MCOLN2: variants seen among roughly 807,000 people sequenced by gnomAD.
The protein encoded by MCOLN2 is mucolipin-2.
Under a neutral mutation model 67.5 loss-of-function variants are expected in MCOLN2, and 57 were observed. That is an observed-to-expected ratio of 0.84 (90% CI 0.68 to 1.05). The LOEUF (loss-of-function observed/expected upper bound fraction) is 1.05. MCOLN2 is among the 50% of genes least tolerant of loss of function. The pLI is 0.00. For missense variants in MCOLN2, 620 were observed against 678.8 expected (o/e 0.91, Z 0.96); for synonymous variants, 246 against 233.3 (o/e 1.05, Z -0.50).
intron 1 of MCOLN2, among the ~76,000 whole-genome samples, chr1:84,988,119 T>C (rs1182549508): frequency 6.6e-6 from 1 of 152,220 alleles, no homozygotes; most frequent in Non-Finnish European, 1.5e-5. Context: ...ATGCTTCAGT[T>C]GGAATCCTTA....
intron 7 of MCOLN2, among the ~76,000 whole-genome samples, chr1:84,942,996 T>C (rs1055007457): frequency 6.6e-6 from 1 of 152,108 alleles, no homozygotes; most frequent in African/African-American, 2.4e-5. Flanking sequence ...CTTTATAAAT[T>C]AGCTAGTTTC....
chr1:84,927,630 C>T (rs1160719214), intron 13 of MCOLN2, among the ~76,000 whole-genome samples: 1 of 152,216 alleles, frequency 6.6e-6, no homozygotes, highest in Non-Finnish European at 1.5e-5. Flanking sequence ...CACAGCCGTG[C>T]TCTGCAGGAA....
intron 11 of MCOLN2, among the ~76,000 whole-genome samples, chr1:84,932,687 T>C (rs1302675117): frequency 6.6e-6 from 1 of 152,244 alleles, no homozygotes; most frequent in African/African-American, 2.4e-5. Context: ...AAACTCTGTG[T>C]TGAATTGATT....
At chr1:84,950,768 TCA>T (rs1648381269) in intron 6 of MCOLN2, among the ~76,000 whole-genome samples, 1 of 152,002 alleles carries the variant, frequency 6.6e-6, no homozygotes, top group African/African-American at 2.4e-5. Flanking sequence ...TTGCCCAAGA[TCA>T]CACACTCAAA....
chr1:84,932,207 C>G (rs1647218228), intron 11 of MCOLN2, among the ~76,000 whole-genome samples: 1 of 151,932 alleles, frequency 6.6e-6, no homozygotes, highest in African/African-American at 2.4e-5. Context: ...ACTTAGAGAG[C>G]ATTTGTAGGT....
Position 84,987,589 on chromosome 1 carries a change from C to CAT in MCOLN2, c.77+9205_77+9206dup, listed in dbSNP as rs1426895798. ...ACATAGATGTATACATAGATATATACATATGTATATAGATGTATATCAATC... is the reference window on the plus strand; with the variant it reads ...ACATAGATGTATACATAGATATATACATATATGTATATAGATGTATATCAATC... On this transcript the variant is annotated intron_variant, in intron 1 of 13. Coordinates refer to ENST00000370608, the MANE Select transcript of MCOLN2 (RefSeq NM_153259.4). Among the ~76,000 whole-genome samples, 52 of 71,318 alleles carry CAT rather than the reference C, an allele frequency of 7.3e-4. 4 individuals are homozygous for CAT. The highest frequency in any genetic ancestry group is 2.1e-3 in the South Asian group (4 of 1,924). 46.8% of individuals were successfully genotyped at this position (71,318 alleles called of 152,430 possible).
chr1:84,987,506 G>GTATATAGGTA (rs1557665657), intron 1 of MCOLN2, among the ~76,000 whole-genome samples: 2 of 30,004 alleles, frequency 6.7e-5, no homozygotes, highest in Non-Finnish European at 1.2e-4. Context: ...ATACATAGAT[G>GTATATAGGTA]TATACATATG....
At chr1:84,985,372 C>A (rs1397953546) in intron 1 of MCOLN2, among the ~76,000 whole-genome samples, 6 of 152,210 alleles carry the variant, frequency 3.9e-5, no homozygotes, top group African/African-American at 1.4e-4. Context: ...TGTCAGAGTG[C>A]CTTGGGGCAC....
At chr1:84,955,064 C>T (rs1648710806) in intron 4 of MCOLN2, among the ~76,000 whole-genome samples, 2 of 152,132 alleles carry the variant, frequency 1.3e-5, no homozygotes, top group Non-Finnish European at 2.9e-5. Context: ...TACCCCCATG[C>T]TGCTGTTCTT....
chr1:84,967,808 A>G (rs1294441427), intron 1 of MCOLN2, among the ~76,000 whole-genome samples: 1 of 112,504 alleles, frequency 8.9e-6, no homozygotes, highest in Non-Finnish European at 1.8e-5. Flanking sequence ...AGAGGGAGGG[A>G]GGAGAGAGAA....
rs760998514 is a variant in MCOLN2, at chr1:84,961,072, AC to A, written c.238-2371del. Reference sequence around the variant, plus strand: ...CTCAGGAAATGAAATAATGCCCATCACAATGTCAAACACTGAATCAGCTGAT... The same window carrying A: ...CTCAGGAAATGAAATAATGCCCATCAAATGTCAAACACTGAATCAGCTGAT... On this transcript the variant is annotated intron_variant, in intron 2 of 13. Coordinates refer to ENST00000370608, the MANE Select transcript of MCOLN2 (RefSeq NM_153259.4). Among the ~76,000 whole-genome samples, 103 of 152,302 alleles carry A rather than the reference AC, an allele frequency of 6.8e-4. 1 individual carries two copies. Among genetic ancestry groups the A allele is most frequent in the Non-Finnish European group, 1.3e-3 (90 of 68,008 alleles).
chr1:84,941,702 G>C (rs1252530578), intron 7 of MCOLN2, among the ~76,000 whole-genome samples: 2 of 152,080 alleles, frequency 1.3e-5, no homozygotes, highest in African/African-American at 4.8e-5. Flanking sequence ...CCATTAATAA[G>C]AGAACAAACA....
At chr1:84,947,219 C>A in intron 6 of MCOLN2, 87 bp from the exon 7 acceptor site, 1 of 742,408 alleles carries the variant, frequency 1.3e-6, no homozygotes, top group Admixed American at 2.0e-5. Context: ...AAATCACTGG[C>A]ATCCAGTGTG....
At chr1:84,941,414 A>G (rs1335267548) in intron 7 of MCOLN2, among the ~76,000 whole-genome samples, 1 of 152,156 alleles carries the variant, frequency 6.6e-6, no homozygotes, top group South Asian at 2.1e-4. Flanking sequence ...GAAGAATGGC[A>G]TGAAGCCGGG....
At chr1:84,976,969 GT>G (rs1393478631) in intron 1 of MCOLN2, among the ~76,000 whole-genome samples, 17 of 152,230 alleles carry the variant, frequency 1.1e-4, no homozygotes, top group African/African-American at 4.1e-4. Context: ...TAACTTCCTT[GT>G]GTAAACTACT....
At chr1:84,966,526 T>C (rs995220814) in intron 1 of MCOLN2, among the ~76,000 whole-genome samples, 2 of 152,174 alleles carry the variant, frequency 1.3e-5, no homozygotes, top group Admixed American at 1.3e-4. Flanking sequence ...CGGAATTAGA[T>C]TGTTATGGAA....
intron 1 of MCOLN2, among the ~76,000 whole-genome samples, chr1:84,969,979 T>G (rs1649586024): frequency 6.6e-6 from 1 of 152,084 alleles, no homozygotes; most frequent in Non-Finnish European, 1.5e-5. Flanking sequence ...GAGGGAGGCA[T>G]TTCCAAGAAA....
chr1:84,950,903 T>C (rs1570978300), intron 6 of MCOLN2, among the ~76,000 whole-genome samples: 1 of 152,202 alleles, frequency 6.6e-6, no homozygotes, highest in East Asian at 1.9e-4. Context: ...AAAATGCTTT[T>C]CTCAAAGCAG....
chr1:84,929,104 T>C (rs1280076918), intron 13 of MCOLN2, among the ~76,000 whole-genome samples: 1 of 152,232 alleles, frequency 6.6e-6, no homozygotes, highest in Non-Finnish European at 1.5e-5. Flanking sequence ...GAAGAGCTAC[T>C]GGTGTGCACG....
Sources: gnomAD v4.1 joint callset for allele counts (sites outside exome capture counted in the v4.1 genomes callset) on GRCh38, gnomAD v4.1.1 for gene constraint, MANE v1.5 for transcripts, NCBI Gene and HGNC (gene_info 2026-07-23, HGNC 2026-07-21) for gene names.